LARGE1: variants seen among roughly 807,000 people sequenced by gnomAD.
The protein encoded by LARGE1 is xylosyl- and glucuronyltransferase LARGE1.
LARGE1 carries 43 observed loss-of-function variants against 87.6 expected under a neutral mutation model. That is an observed-to-expected ratio of 0.49 (90% CI 0.38 to 0.63). The LOEUF is 0.63. Among genes scored for constraint, LARGE1 ranks in the 30% least tolerant of loss-of-function variants. The probability of loss-of-function intolerance (pLI) is 0.00; values close to 1 mark genes in which losing one functional copy is unlikely to be tolerated. For synonymous variants in LARGE1, 434 were observed against 394.6 expected, an observed-to-expected ratio of 1.10 and a Z score of -1.18; for missense variants, 802 against 1,000.2, an observed-to-expected ratio of 0.80 and a Z score of 2.67.
chr22:33,546,139 C>T (rs750962688), intron 6 of LARGE1, among the ~76,000 whole-genome samples: 2 of 152,186 alleles, frequency 1.3e-5, no homozygotes, highest in African/African-American at 2.4e-5. Flanking sequence ...CCAGAAAAGG[C>T]CAAACTCCTT....
chr22:33,309,164 T>A (rs1342421856), intron 11 of LARGE1, among the ~76,000 whole-genome samples: 1 of 150,866 alleles, frequency 6.6e-6, no homozygotes, highest in African/African-American at 2.4e-5. Context: ...TGAATGAGAT[T>A]CGTGCCTTTT....
At chr22:33,559,859 T>A (rs2077802521) in intron 6 of LARGE1, among the ~76,000 whole-genome samples, 1 of 152,148 alleles carries the variant, frequency 6.6e-6, no homozygotes, top group Non-Finnish European at 1.5e-5. Flanking sequence ...CTGTGAAAAC[T>A]ACACTTTTCT....
At chr22:33,452,052 T>G (rs1456128924) in intron 6 of LARGE1, among the ~76,000 whole-genome samples, 1 of 152,102 alleles carries the variant, frequency 6.6e-6, no homozygotes, top group African/African-American at 2.4e-5. Context: ...CATTCAGCTG[T>G]TTGTTTATTC....
intron 2 of LARGE1, among the ~76,000 whole-genome samples, chr22:33,741,525 C>T (rs1265035803): frequency 2.0e-5 from 3 of 152,240 alleles, no homozygotes; most frequent in Admixed American, 6.5e-5. Flanking sequence ...GACTCTCCTA[C>T]ACACCCAAGT....
intron 1 of LARGE1, among the ~76,000 whole-genome samples, chr22:33,882,035 G>GTT (rs56757133): frequency 0.035 from 5,023 of 144,128 alleles, 310 homozygotes; most frequent in African/African-American, 0.13. Context: ...TTTTGTTTTT[G>GTT]TTTTTTTTTG....
At chr22:33,854,928 T>G (rs2063714654) in intron 1 of LARGE1, among the ~76,000 whole-genome samples, 1 of 152,170 alleles carries the variant, frequency 6.6e-6, no homozygotes, top group South Asian at 2.1e-4. Context: ...AGCTTATGGC[T>G]GATTGCAGCA....
intron 1 of LARGE1, among the ~76,000 whole-genome samples, chr22:33,861,860 CTTTTT>C (rs59657748): frequency 1.7e-4 from 20 of 117,218 alleles, no homozygotes; most frequent in Non-Finnish European, 1.7e-4. Context: ...CCCAGACATT[CTTTTT>C]TTTTTTTTTT....
intron 11 of LARGE1, among the ~76,000 whole-genome samples, chr22:33,204,044 A>T (rs1924561683): frequency 6.6e-6 from 1 of 152,178 alleles, no homozygotes; most frequent in African/African-American, 2.4e-5. Flanking sequence ...GGGAGAGCAA[A>T]TGAATGAATG....
intron 5 of LARGE1, among the ~76,000 whole-genome samples, chr22:33,593,157 T>A (rs1024972285): frequency 3.7e-5 from 5 of 135,226 alleles, no homozygotes; most frequent in South Asian, 4.9e-4. Flanking sequence ...GTTTTTAAAA[T>A]TTTTTTAAGT....
intron 1 of LARGE1, among the ~76,000 whole-genome samples, chr22:33,821,234 C>G (rs768662202): frequency 1.3e-5 from 2 of 152,046 alleles, no homozygotes; most frequent in East Asian, 3.9e-4. Flanking sequence ...TAAGCACAGA[C>G]GATGTTGGTT....
the LARGE1 span, among the ~76,000 whole-genome samples, chr22:33,131,210 C>G: frequency 6.6e-6 from 1 of 152,100 alleles, no homozygotes; most frequent in Admixed American, 6.6e-5. Flanking sequence ...CTTCTTTTAA[C>G]CTGCTATTAT....
intron 1 of LARGE1, among the ~76,000 whole-genome samples, chr22:33,828,869 T>C (rs2062875963): frequency 6.6e-6 from 1 of 152,204 alleles, no homozygotes; most frequent in South Asian, 2.1e-4. Flanking sequence ...GCCTCCTTGC[T>C]AATCAAGGTC....
At chr22:33,163,886 G>A (rs1438719767) in exon 12 of LARGE1, 1 of 152,104 alleles carries the variant, frequency 6.6e-6, no homozygotes, top group Admixed American at 6.6e-5. Context: ...TAATTGTGTG[G>A]GCTATCAGTG....
chr22:33,629,090 T>G (rs976485349), intron 3 of LARGE1, among the ~76,000 whole-genome samples: 2 of 152,206 alleles, frequency 1.3e-5, no homozygotes, highest in East Asian at 3.8e-4. Flanking sequence ...TTTATGCATA[T>G]TTTAATTTCT....
intron 5 of LARGE1, among the ~76,000 whole-genome samples, chr22:33,584,124 GA>G (rs1298587175): frequency 6.6e-6 from 1 of 152,122 alleles, no homozygotes; most frequent in African/African-American, 2.4e-5. Context: ...CTTTCTAATA[GA>G]AAAAGTTTAA....
chr22:33,301,223 T>C (rs555907566), intron 12 of LARGE1, among the ~76,000 whole-genome samples: 16 of 152,186 alleles, frequency 1.1e-4, no homozygotes, highest in Non-Finnish European at 1.6e-4. Context: ...GGTAAGTTGA[T>C]ATGATTATGT....
At chr22:33,458,007 TG>T (rs1449497541) in intron 6 of LARGE1, among the ~76,000 whole-genome samples, 1 of 152,212 alleles carries the variant, frequency 6.6e-6, no homozygotes, top group Non-Finnish European at 1.5e-5. Flanking sequence ...AAAACCTACC[TG>T]AAGTTTATTA....
At chr22:33,672,351 T>C (rs2081441970) in intron 2 of LARGE1, among the ~76,000 whole-genome samples, 1 of 152,060 alleles carries the variant, frequency 6.6e-6, no homozygotes, top group South Asian at 2.1e-4. Flanking sequence ...ATTCCTGAGG[T>C]TTCAATGAAG....
intron 2 of LARGE1, among the ~76,000 whole-genome samples, chr22:33,701,874 G>C (rs1457497682): frequency 2.0e-5 from 3 of 152,202 alleles, no homozygotes; most frequent in Non-Finnish European, 4.4e-5. Flanking sequence ...AGCTCAAAAG[G>C]GGAGGGCACA....
Sources: gnomAD v4.1 joint callset for allele counts (sites outside exome capture counted in the v4.1 genomes callset) on GRCh38, gnomAD v4.1.1 for gene constraint, MANE v1.5 for transcripts, NCBI Gene and HGNC (gene_info 2026-07-23, HGNC 2026-07-21) for gene names.